Variants in NBAS observed in about 807,000 individuals in gnomAD.
NBAS encodes the protein NBAS subunit of NRZ tethering complex.
NBAS carries 219 observed loss-of-function variants against 302.5 expected under a neutral mutation model. The observed-to-expected ratio is 0.72, with a 90% CI of 0.65 to 0.81. The LOEUF is 0.81. NBAS is among the 30% of genes least tolerant of loss of function. NBAS has a pLI of 0.00. For synonymous variants in NBAS, 1,118 were observed against 1,021.6 expected (o/e 1.09, Z -1.80); for missense variants, 2,932 against 2,841.6 (o/e 1.03, Z -0.72).
intron 51 of NBAS, 23 bp downstream of exon 51, chr2:15,178,965 A>T (rs1664689027): frequency 3.1e-6 from 5 of 1,612,552 alleles, no homozygotes; most frequent in East Asian, 2.2e-5. Context: ...AAAAAGAAAG[A>T]AAGTAAATTC....
At chr2:14,849,642 G>C in the NBAS span, among the ~76,000 whole-genome samples, 1 of 141,826 alleles carries the variant, frequency 7.1e-6, no homozygotes, top group Non-Finnish European at 1.5e-5. Context: ...ATTCACCAAA[G>C]TTGAAATGAA....
At chr2:15,455,263 A>G (rs1679199664) in intron 21 of NBAS, among the ~76,000 whole-genome samples, 1 of 152,176 alleles carries the variant, frequency 6.6e-6, no homozygotes, top group Admixed American at 6.5e-5. Flanking sequence ...CTTGAGTACT[A>G]TACCATTAAT....
At chr2:15,517,285 C>T (rs1373672442) in intron 9 of NBAS, among the ~76,000 whole-genome samples, 1 of 151,952 alleles carries the variant, frequency 6.6e-6, no homozygotes, top group African/African-American at 2.4e-5. Context: ...GTTTTTTGAT[C>T]CCCACAGTAC....
rs192432590 is a variant in NBAS, at chr2:15,449,061, G to T, written c.2339+12140C>A. 8.6e-4 allele frequency among the ~76,000 whole-genome samples: 131 copies of T among 152,158 alleles called. 1 individual carries two copies. The highest frequency in any genetic ancestry group is 3.9e-3 in the South Asian group (19 of 4,822). On this transcript the variant is annotated intron_variant, in intron 21 of 51. Transcript: ENST00000281513. ...AACTCCATGAAAAGGGTATCATTTG[G>T]TATCTGAGTCTAGTAATAGCATCCT...
chr2:14,882,424 T>G, the NBAS span, among the ~76,000 whole-genome samples: 4 of 152,128 alleles, frequency 2.6e-5, no homozygotes, highest in Non-Finnish European at 4.4e-5. Context: ...CTGGAAAAGA[T>G]AGGATTCTTC....
intron 47 of NBAS, among the ~76,000 whole-genome samples, chr2:15,227,164 C>G (rs1328640634): frequency 6.6e-6 from 1 of 152,020 alleles, no homozygotes; most frequent in East Asian, 1.9e-4. Context: ...TTTGGTCAAG[C>G]TGCAGATATA....
intron 9 of NBAS, among the ~76,000 whole-genome samples, chr2:15,528,265 G>A (rs1342030617): frequency 6.6e-6 from 1 of 151,718 alleles, no homozygotes; most frequent in Non-Finnish European, 1.5e-5. Flanking sequence ...GCAAGTAGTA[G>A]CTCCTTTATC....
chr2:14,800,882 A>G, the NBAS span, among the ~76,000 whole-genome samples: 1 of 116,244 alleles, frequency 8.6e-6, no homozygotes, highest in South Asian at 2.7e-4. Flanking sequence ...ATCTGGTATC[A>G]TTTCCTTTGT....
the NBAS span, among the ~76,000 whole-genome samples, chr2:15,045,713 C>A: frequency 1.3e-5 from 2 of 152,186 alleles, no homozygotes; most frequent in African/African-American, 4.8e-5. Flanking sequence ...GATTTAATTT[C>A]CTTCAGGTAT....
At chr2:15,143,115 C>T in the NBAS span, among the ~76,000 whole-genome samples, 1 of 152,214 alleles carries the variant, frequency 6.6e-6, no homozygotes, top group African/African-American at 2.4e-5. Context: ...ATCAGAAGAT[C>T]TGGAAGCCTA....
chr2:15,524,508 CA>C (rs1662828095), intron 9 of NBAS, among the ~76,000 whole-genome samples: 1 of 152,190 alleles, frequency 6.6e-6, no homozygotes, highest in Non-Finnish European at 1.5e-5. Flanking sequence ...TCACTCCATG[CA>C]GACAGACAAG....
the NBAS span, among the ~76,000 whole-genome samples, chr2:14,808,545 C>T: frequency 5.7e-4 from 87 of 152,322 alleles, no homozygotes; most frequent in South Asian, 3.5e-3. Flanking sequence ...TCTTTGCCTA[C>T]TGCCATTGAT....
At chr2:14,795,528 A>C in the NBAS span, among the ~76,000 whole-genome samples, 1 of 150,752 alleles carries the variant, frequency 6.6e-6, no homozygotes, top group East Asian at 1.9e-4. Context: ...TTTGCAAATA[A>C]TTTTTTTAGC....
At chr2:14,829,985 T>C in the NBAS span, among the ~76,000 whole-genome samples, 1 of 152,206 alleles carries the variant, frequency 6.6e-6, no homozygotes, top group Non-Finnish European at 1.5e-5. Context: ...TCAAATTCCC[T>C]TAAGCAAAGA....
chr2:15,386,523 C>A (rs1675306576), intron 28 of NBAS, among the ~76,000 whole-genome samples: 2 of 152,134 alleles, frequency 1.3e-5, no homozygotes, highest in African/African-American at 4.8e-5. Flanking sequence ...GCCTTCTTTA[C>A]ATTTTTACGT....
intron 45 of NBAS, among the ~76,000 whole-genome samples, chr2:15,237,584 T>G (rs1667652974): frequency 6.8e-6 from 1 of 147,956 alleles, no homozygotes; most frequent in African/African-American, 2.5e-5. Context: ...ATTTATTTAT[T>G]TATTTATTTA....
intron 26 of NBAS, among the ~76,000 whole-genome samples, chr2:15,396,976 C>T (rs1392790097): frequency 1.3e-5 from 2 of 152,218 alleles, no homozygotes; most frequent in African/African-American, 4.8e-5. Flanking sequence ...GGAAGGAAAT[C>T]CCATCCACTT....
chr2:15,254,903 G>GGT (rs111732767), intron 44 of NBAS, among the ~76,000 whole-genome samples: 2,195 of 149,312 alleles, frequency 0.015, 31 homozygotes, highest in South Asian at 0.028. Context: ...TGTTCCATGG[G>GGT]GTGTGTGTGT....
intron 10 of NBAS, among the ~76,000 whole-genome samples, chr2:15,505,184 G>A (rs899725610): frequency 2.6e-5 from 4 of 152,160 alleles, no homozygotes; most frequent in African/African-American, 9.7e-5. Context: ...TTACTCCATT[G>A]TGACCTGCCA....
Sources: gnomAD v4.1 joint callset for allele counts (sites outside exome capture counted in the v4.1 genomes callset) on GRCh38, gnomAD v4.1.1 for gene constraint, MANE v1.5 for transcripts, NCBI Gene and HGNC (gene_info 2026-07-23, HGNC 2026-07-21) for gene names.